PALM2AKAP2: variants seen among roughly 807,000 people sequenced by gnomAD.
PALM2AKAP2 encodes the protein PALM2-AKAP2 fusion protein.
PALM2AKAP2 carries 37 observed loss-of-function variants against 71.5 expected under a neutral mutation model. The ratio of observed to expected loss-of-function variants is 0.52; its 90% CI spans 0.40 to 0.68. The LOEUF is 0.68. Ranked by LOEUF, PALM2AKAP2 falls within the 30% of genes least tolerant of loss-of-function variation. The pLI, the probability that PALM2AKAP2 is intolerant of heterozygous loss-of-function variation, is 0.00. For missense variants in PALM2AKAP2, 1,224 were observed against 1,191.8 expected (o/e 1.03, Z -0.40); for synonymous variants, 468 against 478.8 (o/e 0.98, Z 0.29).
At chr9:109,672,549 T>G (rs1437762379) in intron 1 of PALM2AKAP2, among the ~76,000 whole-genome samples, 1 of 152,184 alleles carries the variant, frequency 6.6e-6, no homozygotes, top group Non-Finnish European at 1.5e-5. Context: ...TCAAGAATAT[T>G]GGCTTAAAGT....
chr9:109,643,580 T>A (rs1451390785), intron 1 of PALM2AKAP2, among the ~76,000 whole-genome samples: 1 of 152,188 alleles, frequency 6.6e-6, no homozygotes, highest in East Asian at 1.9e-4. Flanking sequence ...CTGGAACTCC[T>A]TGTGAACAAA....
intron 1 of PALM2AKAP2, among the ~76,000 whole-genome samples, chr9:109,706,252 C>T (rs1828142444): frequency 6.6e-6 from 1 of 152,028 alleles, no homozygotes; most frequent in South Asian, 2.1e-4. Flanking sequence ...CAACTTGATT[C>T]CTCAGTAATA....
intron 6 of PALM2AKAP2, among the ~76,000 whole-genome samples, chr9:109,988,756 G>C (rs1832422868): frequency 6.6e-6 from 1 of 152,024 alleles, no homozygotes. Context: ...AAGAAGTGAA[G>C]GGATAGTAAT....
chr9:109,785,029 G>C (rs1282447447), intron 1 of PALM2AKAP2, among the ~76,000 whole-genome samples: 2 of 152,148 alleles, frequency 1.3e-5, no homozygotes, highest in Non-Finnish European at 2.9e-5. Context: ...CTTGTGGGAG[G>C]GTGCTGTTAT....
intron 1 of PALM2AKAP2, among the ~76,000 whole-genome samples, chr9:109,829,880 G>T (rs1275122819): frequency 6.6e-6 from 1 of 152,088 alleles, no homozygotes; most frequent in East Asian, 1.9e-4. Flanking sequence ...TTTAACCTGA[G>T]TTCAGTTAGG....
At chr9:109,919,540 A>G (rs1184450409) in intron 3 of PALM2AKAP2, among the ~76,000 whole-genome samples, 1 of 152,022 alleles carries the variant, frequency 6.6e-6, no homozygotes, top group Admixed American at 6.6e-5. Flanking sequence ...CAGATTTCTC[A>G]GAGGATTCAG....
chr9:110,129,962 G>T (rs1588125402), intron 1 of PALM2AKAP2, among the ~76,000 whole-genome samples: 1 of 152,260 alleles, frequency 6.6e-6, no homozygotes, highest in East Asian at 1.9e-4. Flanking sequence ...AAGGATCTGG[G>T]GTTGGGGAAA....
chr9:109,757,199 ATGAG>A (rs1250743909), intron 1 of PALM2AKAP2, among the ~76,000 whole-genome samples: 1 of 152,088 alleles, frequency 6.6e-6, no homozygotes, highest in Non-Finnish European at 1.5e-5. Flanking sequence ...GCTCCCACGT[ATGAG>A]TGAGAAAATG....
At chr9:110,014,386 G>C in intron 6 of PALM2AKAP2, among the ~76,000 whole-genome samples, 1 of 152,136 alleles carries the variant, frequency 6.6e-6, no homozygotes, top group Non-Finnish European at 1.5e-5. Flanking sequence ...GTATTTGCTT[G>C]TTAAAGGAGA....
At chr9:109,905,723 C>T (rs961442564) in intron 3 of PALM2AKAP2, among the ~76,000 whole-genome samples, 3 of 152,212 alleles carry the variant, frequency 2.0e-5, no homozygotes, top group African/African-American at 7.2e-5. Context: ...CCAGGCTGTC[C>T]TTGGACTTCA....
rs536385419 is a variant in PALM2AKAP2 at position 110,130,173 on chromosome 9, G to T, written c.157-5954G>T. On this transcript the variant is annotated intron_variant, in intron 1 of 3. Transcript: ENST00000374525. ...AATGGCTTAATAATAGTGAACATTT[G>T]CATTAACCGTTTTACAGTTTACATA... Among the ~76,000 whole-genome samples, 238 of 152,260 alleles carry T rather than the reference G, an allele frequency of 1.6e-3. 1 individual carries two copies. The highest frequency in any genetic ancestry group is 5.6e-3 in the African/African-American group (232 of 41,546).
intron 1 of PALM2AKAP2, among the ~76,000 whole-genome samples, chr9:109,712,772 C>A (rs1308015290): frequency 2.6e-5 from 4 of 152,252 alleles, no homozygotes; most frequent in Middle Eastern, 3.4e-3. Context: ...CTGTGGCTCC[C>A]CATTTAGGTG....
At chr9:109,725,540 T>TAA (rs376441928) in intron 1 of PALM2AKAP2, among the ~76,000 whole-genome samples, 13 of 152,252 alleles carry the variant, frequency 8.5e-5, no homozygotes, top group African/African-American at 2.9e-4. Flanking sequence ...CACACAGAGA[T>TAA]AAAAGTACAG....
chr9:109,795,749 G>T (rs1827235355), intron 1 of PALM2AKAP2, among the ~76,000 whole-genome samples: 1 of 152,228 alleles, frequency 6.6e-6, no homozygotes, highest in Admixed American at 6.5e-5. Context: ...GCCTTAGGCT[G>T]GTGCTGTAGT....
intron 6 of PALM2AKAP2, among the ~76,000 whole-genome samples, chr9:109,950,957 C>G (rs746298944): frequency 7.9e-5 from 12 of 152,242 alleles, no homozygotes; most frequent in Non-Finnish European, 1.3e-4. Context: ...CAGAGGCCAC[C>G]AGGCAATGCC....
At chr9:110,087,789 G>A (rs1474677317) in intron 1 of PALM2AKAP2, among the ~76,000 whole-genome samples, 5 of 152,202 alleles carry the variant, frequency 3.3e-5, no homozygotes, top group African/African-American at 7.2e-5. Flanking sequence ...GGAGACAGTA[G>A]TGAGGAAGAT....
intron 1 of PALM2AKAP2, among the ~76,000 whole-genome samples, chr9:109,762,001 C>T (rs768259517): frequency 6.6e-6 from 1 of 152,126 alleles, no homozygotes; most frequent in Non-Finnish European, 1.5e-5. Flanking sequence ...CATCTCATGC[C>T]AGTTAGAATG....
At chr9:110,015,418 G>A (rs902833909) in intron 6 of PALM2AKAP2, among the ~76,000 whole-genome samples, 1 of 152,154 alleles carries the variant, frequency 6.6e-6, no homozygotes, top group Non-Finnish European at 1.5e-5. Flanking sequence ...GGGCAACATG[G>A]TGAAATCCCC....
intron 1 of PALM2AKAP2, among the ~76,000 whole-genome samples, chr9:109,696,022 T>A (rs1827964998): frequency 6.6e-6 from 1 of 152,190 alleles, no homozygotes; most frequent in South Asian, 2.1e-4. Context: ...AGAATTGGAA[T>A]GTTTCCAATA....
Sources: gnomAD v4.1 joint callset for allele counts (sites outside exome capture counted in the v4.1 genomes callset) on GRCh38, gnomAD v4.1.1 for gene constraint, MANE v1.5 for transcripts, NCBI Gene and HGNC (gene_info 2026-07-23, HGNC 2026-07-21) for gene names.